FAT1: variants seen among roughly 807,000 people sequenced by gnomAD.
FAT1 encodes the protein FAT atypical cadherin 1, also known as protocadherin Fat 1.
Under a neutral mutation model 329.8 loss-of-function variants are expected in FAT1, and 171 were observed. The observed-to-expected ratio is 0.52, with a 90% CI of 0.46 to 0.59. FAT1 has a LOEUF of 0.59. Among genes scored for constraint, FAT1 ranks in the 20% least tolerant of loss-of-function variants. The pLI is 0.00. For synonymous variants in FAT1, 2,233 were observed against 2,228.6 expected (o/e 1.00, Z -0.06); for missense variants, 5,672 against 5,774.4 (o/e 0.98, Z 0.57).
At chr4:186,651,919 A>C (rs328432) in intron 3 of FAT1, among the ~76,000 whole-genome samples, 115,230 of 152,188 alleles carry the variant, frequency 0.76, 44,676 homozygotes, top group African/African-American at 0.94. Context: ...TTTGTCCCTG[A>C]AGTACTGGTG....
chr4:186,597,407 G>A (rs989242848), intron 24 of FAT1: 2 of 587,868 alleles, frequency 3.4e-6, no homozygotes, highest in African/African-American at 1.9e-5. Flanking sequence ...AACATATCAA[G>A]CCAATATTAA....
chr4:186,662,839 TA>T (rs928256797), intron 3 of FAT1, among the ~76,000 whole-genome samples: 6 of 148,274 alleles, frequency 4.0e-5, no homozygotes, highest in African/African-American at 7.8e-5. Context: ...ACATTTAAGC[TA>T]ATTTTTTTTT....
intron 3 of FAT1, among the ~76,000 whole-genome samples, chr4:186,649,282 A>G (rs571349313): frequency 6.6e-6 from 1 of 152,348 alleles, no homozygotes; most frequent in Non-Finnish European, 1.5e-5. Flanking sequence ...TCTTTACAAC[A>G]TTAAAAAAAT....
At chr4:186,604,313 G>T in intron 18 of FAT1, 64 bp downstream of exon 18, 2 of 1,365,994 alleles carry the variant, frequency 1.5e-6, no homozygotes, top group Non-Finnish European at 2.0e-6. Context: ...TAGAAGAGGG[G>T]AACCACGCCA....
chr4:186,676,734 G>C (rs1247037795), intron 2 of FAT1, among the ~76,000 whole-genome samples: 2 of 152,178 alleles, frequency 1.3e-5, no homozygotes, highest in African/African-American at 4.8e-5. Context: ...TGTATAAACA[G>C]AACTCTCTCC....
At chr4:186,604,046 T>A (rs534146554) in intron 18 of FAT1, 69 bp from the exon 19 acceptor site, 64 of 1,250,014 alleles carry the variant, frequency 5.1e-5, no homozygotes, top group Non-Finnish European at 6.5e-5. Flanking sequence ...ATAAAAACAT[T>A]TGTATTACTC....
At chr4:186,630,022 CATT>C (rs1740514711) in intron 7 of FAT1, among the ~76,000 whole-genome samples, 1 of 152,188 alleles carries the variant, frequency 6.6e-6, no homozygotes, top group Admixed American at 6.5e-5. Context: ...CAAGCTCAAG[CATT>C]ATTAAGTAGA....
rs752611276 is a variant in FAT1 at position 186,619,820 on chromosome 4, C to T, written c.6766G>A (p.Ala2256Thr). The T allele has an allele frequency of 8.7e-6, 14 of 1,613,886 alleles. No individual in the cohort carries two copies. The highest frequency in any genetic ancestry group is 4.5e-5 in the East Asian group (2 of 44,892). Residue 2256 changes from alanine to threonine, a missense_variant, in exon 10 of 27, where the codon GCA becomes ACA. This residue lies in a region of FAT1 where 3,966 missense variants were observed against 3,915.2 expected (regional missense o/e 1.01). Coordinates refer to ENST00000441802, the MANE Select transcript of FAT1 (RefSeq NM_005245.4). The stretch of plus-strand genomic sequence containing the variant: ...TGAGCGCCCGTCAAGGAGTCAGTTG[C>T]GCGTATGCTCAGCTTATATGCCGGG... ...AHPAYKLSIR[A>T]TDSLTGAHAE...
chr4:186,711,304 T>C (rs576567971), intron 1 of FAT1, among the ~76,000 whole-genome samples: 1 of 152,202 alleles, frequency 6.6e-6, no homozygotes, highest in Non-Finnish European at 1.5e-5. Context: ...TAACTTGTTC[T>C]TTAGCTATGA....
intron 24 of FAT1, 47 bp from the exon 25 acceptor site, chr4:186,597,218 A>G (rs2126396676): frequency 6.7e-7 from 1 of 1,497,938 alleles, no homozygotes; most frequent in Non-Finnish European, 8.9e-7. Context: ...AGCATACGCC[A>G]GCGTATGTCA....
At chr4:186,690,139 A>G (rs1462420416) in intron 2 of FAT1, among the ~76,000 whole-genome samples, 1 of 152,232 alleles carries the variant, frequency 6.6e-6, no homozygotes, top group Non-Finnish European at 1.5e-5. Flanking sequence ...TTCTCTAAAA[A>G]GAAACATTTT....
chr4:186,645,346 C>T (rs1741301114), intron 3 of FAT1, among the ~76,000 whole-genome samples: 1 of 117,160 alleles, frequency 8.5e-6, no homozygotes, highest in African/African-American at 3.2e-5. Context: ...AGGTATTATG[C>T]TTTAATAGAT....
intron 2 of FAT1, among the ~76,000 whole-genome samples, chr4:186,678,512 A>T (rs1464504146): frequency 6.7e-6 from 1 of 149,036 alleles, no homozygotes; most frequent in Non-Finnish European, 1.5e-5. Context: ...AGACAAATAT[A>T]TTCTATTATC....
rs1188367482 is a variant in FAT1, at chr4:186,609,894, T to C, written c.9975A>G (p.Val3325=). 6 of 1,612,828 alleles carry C rather than the reference T, an allele frequency of 3.7e-6. No individual in the cohort carries two copies. The African/African-American group carries it at 6.7e-5, about 18-fold the overall frequency. ...CAGGGGTATTATCGTTGATATCTGT[T>C]ACATTAACGTTCACAGTGGCAACGT... The part of the protein sequence containing the change: ...LSDVATVNVN[V]TDINDNTPVF... The change falls in exon 15 of 27, where the codon GTA becomes GTG. Residue 3325 remains valine (V), a synonymous_variant. Transcript: ENST00000441802.
chr4:186,691,974 C>G (rs1433319890), intron 2 of FAT1, among the ~76,000 whole-genome samples: 1 of 151,676 alleles, frequency 6.6e-6, no homozygotes, highest in Admixed American at 6.6e-5. Flanking sequence ...GGTTCTTTTT[C>G]TAATCTCTTT....
intron 1 of FAT1, among the ~76,000 whole-genome samples, chr4:186,710,727 G>A (rs1744908289): frequency 6.6e-6 from 1 of 152,018 alleles, no homozygotes; most frequent in Non-Finnish European, 1.5e-5. Flanking sequence ...GTCACCCTGG[G>A]CCCCTCCATG....
At chr4:186,640,927 A>G (rs1741062156) in intron 3 of FAT1, among the ~76,000 whole-genome samples, 1 of 152,230 alleles carries the variant, frequency 6.6e-6, no homozygotes, top group Admixed American at 6.5e-5. Context: ...GTGGCAGGAC[A>G]ATCACCAGGG....
At chr4:186,636,498 T>A in intron 5 of FAT1, 87 bp downstream of exon 5, 1 of 1,372,242 alleles carries the variant, frequency 7.3e-7, no homozygotes, top group Non-Finnish European at 1.0e-6. Context: ...GTTTACAAAA[T>A]AGAAATAAAG....
At chr4:186,591,920 C>T (rs1035320071) in intron 26 of FAT1, among the ~76,000 whole-genome samples, 3 of 152,114 alleles carry the variant, frequency 2.0e-5, no homozygotes, top group South Asian at 2.1e-4. Flanking sequence ...AAGCAGTTCT[C>T]GAGTGGGATC....
Sources: gnomAD v4.1 joint callset for allele counts (sites outside exome capture counted in the v4.1 genomes callset) on GRCh38, gnomAD v4.1.1 for gene constraint, gnomAD v4.1.1 regional missense constraint, MANE v1.5 for transcripts, NCBI Gene and HGNC (gene_info 2026-07-23, HGNC 2026-07-21) for gene names.